The following KAZN variants were observed in gnomAD, a reference collection of about 807,000 sequenced individuals.
KAZN encodes kazrin, periplakin interacting protein.
In KAZN, 40 loss-of-function variants were observed where a neutral mutation model predicts 87.4. The observed-to-expected ratio is 0.46, with a 90% CI of 0.36 to 0.60. The LOEUF is 0.60. KAZN is among the 20% of genes least tolerant of loss of function. The pLI is 0.00. For missense variants in KAZN, 898 were observed against 1,073.9 expected, an observed-to-expected ratio of 0.84 and a Z score of 2.29; for synonymous variants, 466 against 458.3, an observed-to-expected ratio of 1.02 and a Z score of -0.22.
chr1:14,467,958 C>A (rs192045476), intron 2 of KAZN, among the ~76,000 whole-genome samples: 1 of 152,132 alleles, frequency 6.6e-6, no homozygotes, highest in Admixed American at 6.5e-5. Flanking sequence ...TCCAGGCCCA[C>A]GCATAAATCA....
intron 2 of KAZN, among the ~76,000 whole-genome samples, chr1:14,484,677 G>A (rs1328201533): frequency 6.6e-6 from 1 of 152,184 alleles, no homozygotes. Context: ...CCAAGACTCG[G>A]CTCCGCAAGG....
At chr1:14,986,002 CAAAAAAAAAAAAAA>C (rs56725513) in intron 2 of KAZN, among the ~76,000 whole-genome samples, 1 of 56,740 alleles carries the variant, frequency 1.8e-5, no homozygotes. Flanking sequence ...GACTCTGTCT[CAAAAAAAAAAAAAA>C]AAAAAAAAGG....
intron 1 of KAZN, among the ~76,000 whole-genome samples, chr1:14,779,271 T>A (rs1473681): frequency 6.6e-6 from 1 of 152,184 alleles, no homozygotes; most frequent in Non-Finnish European, 1.5e-5. Context: ...CCAGATTAGT[T>A]TGGCAAACTA....
intron 1 of KAZN, among the ~76,000 whole-genome samples, chr1:13,915,844 C>T (rs1221304740): frequency 6.6e-6 from 1 of 152,214 alleles, no homozygotes; most frequent in East Asian, 1.9e-4. Context: ...AGTGCTCACT[C>T]CTTGCTTTGA....
intron 2 of KAZN, among the ~76,000 whole-genome samples, chr1:14,281,160 C>T (rs1445482018): frequency 6.6e-6 from 1 of 152,154 alleles, no homozygotes; most frequent in Non-Finnish European, 1.5e-5. Flanking sequence ...TGCTTGGTTT[C>T]CTTTGATCTA....
At chr1:15,027,838 T>C (rs1671328421) in intron 2 of KAZN, among the ~76,000 whole-genome samples, 1 of 152,136 alleles carries the variant, frequency 6.6e-6, no homozygotes, top group Non-Finnish European at 1.5e-5. Flanking sequence ...GTTTGTTTGT[T>C]TGTTTGTTTG....
rs1661837134 is a variant in KAZN, at chr1:14,385,899, T to C, written c.249+205307T>C. Among the ~76,000 whole-genome samples, 3 of 148,590 alleles carry C rather than the reference T, an allele frequency of 2.0e-5. 1 individual carries two copies. Among genetic ancestry groups the C allele is most frequent in the African/African-American group, 7.5e-5 (3 of 40,064 alleles). Reference sequence around the variant, plus strand: ...CTTTCTGTCTCGTTGATCTGTCTGATGTTGACAGTGGGGTGTTAAAATCTC... The same window carrying C: ...CTTTCTGTCTCGTTGATCTGTCTGACGTTGACAGTGGGGTGTTAAAATCTC... On this transcript the variant is annotated intron_variant, in intron 2 of 16. Coordinates refer to the KAZN transcript ENST00000636203.
intron 1 of KAZN, among the ~76,000 whole-genome samples, chr1:14,005,993 G>C (rs1020164198): frequency 1.3e-5 from 2 of 152,150 alleles, no homozygotes; most frequent in African/African-American, 4.8e-5. Context: ...CTCCATGATT[G>C]CCTCATATAG....
chr1:14,043,959 G>C (rs6696618), intron 1 of KAZN, among the ~76,000 whole-genome samples: 93,789 of 152,082 alleles, frequency 0.62, 30,297 homozygotes, highest in African/African-American at 0.8. Flanking sequence ...TCTGTGGGTT[G>C]ACTGGGCTCA....
intron 1 of KAZN, among the ~76,000 whole-genome samples, chr1:13,947,450 T>C (rs538000019): frequency 4.8e-4 from 73 of 152,118 alleles, no homozygotes; most frequent in African/African-American, 1.7e-3. Flanking sequence ...CACCTGGGCA[T>C]GTGGGGATTA....
intron 1 of KAZN, among the ~76,000 whole-genome samples, chr1:13,894,259 G>C (rs1638949487): frequency 6.6e-6 from 1 of 152,220 alleles, no homozygotes; most frequent in Non-Finnish European, 1.5e-5. Flanking sequence ...CTTTGACTTG[G>C]TTGTGGGGAT....
At chr1:14,329,196 G>A (rs1371461366) in intron 2 of KAZN, among the ~76,000 whole-genome samples, 1 of 152,098 alleles carries the variant, frequency 6.6e-6, no homozygotes, top group East Asian at 1.9e-4. Context: ...ACAAGAAAAT[G>A]AGATGGCCAC....
chr1:14,281,133 C>T (rs1652811052), intron 2 of KAZN, among the ~76,000 whole-genome samples: 1 of 152,162 alleles, frequency 6.6e-6, no homozygotes, highest in African/African-American at 2.4e-5. Context: ...TATGCCATGT[C>T]AAGAGGCCTC....
chr1:15,066,080 C>G lies in KAZN; in HGVS notation c.1222+327C>G. 1 of 1,168,530 alleles carries G rather than the reference C, an allele frequency of 8.6e-7. No homozygotes were observed. The highest frequency in any genetic ancestry group is 1.1e-6 in the Non-Finnish European group (1 of 947,678). The allele number at this position is 1,168,530 out of a possible 1,614,324, so 72.4% of individuals were successfully genotyped here. On this transcript the variant is annotated intron_variant, in intron 8 of 14. Transcript: ENST00000376030. This position sits in a 1 kb window ranked among gnomAD's most constrained non-coding sequence, Gnocchi z 4.3. ...GGAGCGATACAGTTGTGTTGTTAATCTGGTTTATTATTTTTCTTCAGTGTT... is the reference window on the plus strand; with the variant it reads ...GGAGCGATACAGTTGTGTTGTTAATGTGGTTTATTATTTTTCTTCAGTGTT...
chr1:14,021,561 G>GGTCTCTC (rs1163099180), intron 1 of KAZN, among the ~76,000 whole-genome samples: 1 of 151,376 alleles, frequency 6.6e-6, no homozygotes, highest in Non-Finnish European at 1.5e-5. Context: ...AGAGGGTCTA[G>GGTCTCTC]GTCTCTCTAT....
intron 2 of KAZN, among the ~76,000 whole-genome samples, chr1:14,344,702 G>A (rs1467926787): frequency 6.6e-6 from 1 of 152,082 alleles, no homozygotes; most frequent in Non-Finnish European, 1.5e-5. Flanking sequence ...GGGAGGTGAG[G>A]AAGAACTCAT....
chr1:13,894,183 C>T lies in KAZN; in HGVS notation c.91+427C>T, dbSNP rs372111457. 1.9e-4 allele frequency among the ~76,000 whole-genome samples: 29 copies of T among 152,208 alleles called. No homozygotes were observed. In the East Asian group the frequency reaches 2.1e-3, roughly 11 times the overall value. Reference sequence around the variant, plus strand: ...CCTAAGAGTTATGTTTAATCTATGCCCCCCCAGCCCCTGCTGGAGTAACTT... The same window carrying T: ...CCTAAGAGTTATGTTTAATCTATGCTCCCCCAGCCCCTGCTGGAGTAACTT... On this transcript the variant is annotated intron_variant, in intron 1 of 16. Transcript: ENST00000636203.
chr1:13,982,226 A>C (rs1180944239), intron 1 of KAZN, among the ~76,000 whole-genome samples: 1 of 152,146 alleles, frequency 6.6e-6, no homozygotes, highest in African/African-American at 2.4e-5. Flanking sequence ...GCTGCCTCAC[A>C]GTGCCCACCT....
In KAZN at chr1:14,133,410, A is replaced by AAAGAAAGC. The variant is rs1553133022; in HGVS notation, c.92-47018_92-47017insCAAGAAAG. 5.3e-4 allele frequency among the ~76,000 whole-genome samples: 21 copies of AAAGAAAGC among 39,478 alleles called. 4 individuals are homozygous for AAAGAAAGC. The East Asian group carries it at 0.032, about 60-fold the overall frequency. 25.9% of individuals were successfully genotyped at this position (39,478 alleles called of 152,430 possible). A position where few individuals can be genotyped will look rare whatever the true frequency, so the allele number is the denominator to read the frequency against. On this transcript the variant is annotated intron_variant, in intron 1 of 16. Coordinates refer to the KAZN transcript ENST00000636203. The stretch of plus-strand genomic sequence containing the variant: ...GAAAGAAAGAAAGAAAGAAAGAAAG[A>AAAGAAAGC]AAGAAAGAAAGAAAGAAAGAAAGAA...
Sources: gnomAD v4.1 joint callset for allele counts (sites outside exome capture counted in the v4.1 genomes callset) on GRCh38, gnomAD v4.1.1 for gene constraint, Gnocchi (gnomAD v3.1) non-coding constraint, MANE v1.5 for transcripts, NCBI Gene and HGNC (gene_info 2026-07-23, HGNC 2026-07-21) for gene names.